The following EYS variants were observed in gnomAD, a reference collection of about 807,000 sequenced individuals.
EYS encodes EGF-like photoreceptor maintenance factor, also known as protein eyes shut homolog.
EYS carries 250 observed loss-of-function variants against 282.1 expected under a neutral mutation model. That is an observed-to-expected ratio of 0.89 (90% CI 0.80 to 0.98). The LOEUF is 0.98. Among genes scored for constraint, EYS ranks in the 50% least tolerant of loss-of-function variants. EYS has a pLI of 0.00. For synonymous variants in EYS, 1,355 were observed against 1,282.9 expected, an observed-to-expected ratio of 1.06 and a Z score of -1.20; for missense variants, 4,016 against 3,709.0, an observed-to-expected ratio of 1.08 and a Z score of -2.15.
chr6:64,551,798 G>T (rs147276027), intron 26 of EYS, among the ~76,000 whole-genome samples: 2,411 of 152,218 alleles, frequency 0.016, 58 homozygotes, highest in African/African-American at 0.056. Context: ...TTCCACAGTG[G>T]TTGAACTAGT....
At chr6:65,290,728 G>A (rs771184298) in intron 12 of EYS, among the ~76,000 whole-genome samples, 2 of 151,372 alleles carry the variant, frequency 1.3e-5, no homozygotes, top group Non-Finnish European at 1.5e-5. Context: ...TAGTGCATCA[G>A]TGTGTGCAAT....
intron 8 of EYS, among the ~76,000 whole-genome samples, chr6:65,379,264 C>G (rs973204499): frequency 1.3e-5 from 2 of 151,966 alleles, no homozygotes; most frequent in Non-Finnish European, 2.9e-5. Flanking sequence ...AAAGCTTATC[C>G]ACCACGACCA....
intron 37 of EYS, among the ~76,000 whole-genome samples, chr6:63,800,877 G>T (rs944254802): frequency 6.6e-6 from 1 of 152,188 alleles, no homozygotes; most frequent in African/African-American, 2.4e-5. Flanking sequence ...AGACTTAAAG[G>T]GCAGTGTTTT....
chr6:63,750,715 A>G (rs902484050), intron 41 of EYS, among the ~76,000 whole-genome samples: 2 of 152,230 alleles, frequency 1.3e-5, no homozygotes, highest in Non-Finnish European at 2.9e-5. Context: ...AGGAAGGGGA[A>G]CAAATGTGTG....
intron 29 of EYS, among the ~76,000 whole-genome samples, chr6:64,377,062 G>A (rs1772583400): frequency 6.6e-6 from 1 of 151,608 alleles, no homozygotes; most frequent in Non-Finnish European, 1.5e-5. Context: ...CTGGCACATA[G>A]TGGATACTCT....
At position 65,345,970 on chromosome 6, in the gene EYS, G is replaced by T. The variant is rs111999143; in HGVS notation, c.1460-1793C>A. Among the ~76,000 whole-genome samples the T allele has an allele frequency of 2.6e-3, 395 of 151,898 alleles. 1 individual carries two copies. Among genetic ancestry groups the T allele is most frequent in the African/African-American group, 8.2e-3 (341 of 41,492 alleles). On this transcript the variant is annotated intron_variant, in intron 9 of 42. Coordinates refer to ENST00000503581, the MANE Select transcript of EYS (RefSeq NM_001142800.2). The stretch of plus-strand genomic sequence containing the variant: ...ATACTAAGGTGGGCTCTGGAAACAC[G>T]ATTAGCTGACACTGAGAGTCTCTCT...
chr6:64,695,276 C>T (rs1210941644), intron 22 of EYS, among the ~76,000 whole-genome samples: 1 of 152,058 alleles, frequency 6.6e-6, no homozygotes, highest in African/African-American at 2.4e-5. Context: ...CAGCTGACTC[C>T]CACCTGAAAG....
intron 12 of EYS, among the ~76,000 whole-genome samples, chr6:65,120,151 C>CTAAAAA (rs1775492503): frequency 1.6e-5 from 1 of 62,584 alleles, no homozygotes; most frequent in African/African-American, 6.0e-5. Context: ...GACTCCGTCT[C>CTAAAAA]AAAAAAAAAA....
chr6:64,764,912 A>C (rs1773275292), intron 22 of EYS, among the ~76,000 whole-genome samples: 1 of 151,992 alleles, frequency 6.6e-6, no homozygotes, highest in African/African-American at 2.4e-5. Context: ...CTAATTTTAT[A>C]TTTTAATAGA....
intron 31 of EYS, among the ~76,000 whole-genome samples, chr6:64,185,159 C>T (rs904656724): frequency 6.6e-6 from 1 of 151,682 alleles, no homozygotes; most frequent in Admixed American, 6.6e-5. Context: ...TTGTCGGGCT[C>T]CCCAAATGTG....
At chr6:64,751,138 C>T (rs1390196562) in intron 22 of EYS, among the ~76,000 whole-genome samples, 4 of 152,196 alleles carry the variant, frequency 2.6e-5, no homozygotes, top group African/African-American at 9.6e-5. Flanking sequence ...TTGCCCCTCC[C>T]TTCCCATGCA....
intron 26 of EYS, among the ~76,000 whole-genome samples, chr6:64,583,587 G>A (rs1429870949): frequency 1.3e-5 from 2 of 152,110 alleles, no homozygotes; most frequent in East Asian, 1.9e-4. Context: ...CCTGAGGTTA[G>A]GAGTTCAAGA....
chr6:65,040,746 C>T lies in EYS; in HGVS notation c.2137+16868G>A, dbSNP rs116396136. ...AATGTTCTAAAAAAATTTGATTACC[C>T]CCAGGTTGCCATGTTGTAAGGAAGC... is the stretch of plus-strand genomic sequence containing the variant. On this transcript the variant is annotated intron_variant, in intron 13 of 42. Coordinates refer to ENST00000503581, the MANE Select transcript of EYS (RefSeq NM_001142800.2). 9.6e-3 allele frequency among the ~76,000 whole-genome samples: 1,452 copies of T among 151,670 alleles called. 18 individuals carry two copies. Among genetic ancestry groups the T allele is most frequent in the African/African-American group, 0.034 (1,394 of 41,450 alleles).
intron 33 of EYS, among the ~76,000 whole-genome samples, chr6:64,034,223 T>A (rs888471316): frequency 1.3e-5 from 2 of 152,096 alleles, no homozygotes; most frequent in African/African-American, 4.8e-5. Context: ...CAATAAAAAG[T>A]GATAATACAT....
intron 1 of EYS, among the ~76,000 whole-genome samples, chr6:65,640,560 T>C: frequency 6.6e-6 from 1 of 152,200 alleles, no homozygotes. Context: ...TTGAAGGGTA[T>C]TTTCAAGGCA....
chr6:64,579,483 A>C (rs976722167), intron 26 of EYS, among the ~76,000 whole-genome samples: 2 of 152,132 alleles, frequency 1.3e-5, no homozygotes, highest in Non-Finnish European at 2.9e-5. Context: ...GCAGGTATTA[A>C]ATAAATGCCA....
At chr6:64,646,876 C>G (rs1009923425) in intron 22 of EYS, among the ~76,000 whole-genome samples, 1 of 151,456 alleles carries the variant, frequency 6.6e-6, no homozygotes, top group South Asian at 2.1e-4. Context: ...CATAATAATA[C>G]TATTAACATG....
chr6:64,805,139 A>G (rs1764386594), intron 22 of EYS, among the ~76,000 whole-genome samples: 1 of 152,058 alleles, frequency 6.6e-6, no homozygotes, highest in Admixed American at 6.5e-5. Context: ...CAGTGTAAGT[A>G]TTATGTGTAA....
chr6:64,296,630 G>A (rs1200413889), intron 30 of EYS, among the ~76,000 whole-genome samples: 1 of 67,328 alleles, frequency 1.5e-5, no homozygotes, highest in Non-Finnish European at 3.0e-5. Flanking sequence ...TTTTTGAGAC[G>A]GAATCTCACT....
Sources: allele counts gnomAD v4.1 joint callset (sites outside exome capture counted in the v4.1 genomes callset), GRCh38; gene constraint gnomAD v4.1.1; transcripts MANE v1.5; gene names NCBI Gene and HGNC (gene_info 2026-07-23, HGNC 2026-07-21).